CNTN4: variants seen among roughly 807,000 people sequenced by gnomAD.
CNTN4 encodes contactin 4, also known as contactin-4.
Under a neutral mutation model 122.5 loss-of-function variants are expected in CNTN4, and 77 were observed. That is an observed-to-expected ratio of 0.63 (90% CI 0.52 to 0.76). CNTN4 has a LOEUF of 0.76. Among genes scored for constraint, CNTN4 ranks in the 30% least tolerant of loss-of-function variants. The pLI is 0.00. For missense variants in CNTN4, 1,256 were observed against 1,259.1 expected (o/e 1.00, Z 0.04); for synonymous variants, 512 against 447.0 (o/e 1.15, Z -1.83).
intron 14 of CNTN4, among the ~76,000 whole-genome samples, chr3:3,002,073 T>G (rs1459437430): frequency 6.6e-6 from 1 of 152,258 alleles, no homozygotes; most frequent in Non-Finnish European, 1.5e-5. Context: ...TCTTTCTCTC[T>G]CTGCTGACTG....
intron 6 of CNTN4, among the ~76,000 whole-genome samples, chr3:2,806,137 G>A (rs1256001564): frequency 6.6e-6 from 1 of 151,922 alleles, no homozygotes; most frequent in Non-Finnish European, 1.5e-5. Context: ...TCCTGACCTC[G>A]GGATCCGCCT....
At chr3:2,633,464 A>AG (rs1361564826) in intron 4 of CNTN4, among the ~76,000 whole-genome samples, 1 of 152,246 alleles carries the variant, frequency 6.6e-6, no homozygotes, top group Non-Finnish European at 1.5e-5. Context: ...TGAGGATTTC[A>AG]GCATGGTGGA....
intron 17 of CNTN4, among the ~76,000 whole-genome samples, chr3:3,036,776 C>CAAAAAAAGAAAA (rs1293994678): frequency 2.3e-3 from 256 of 113,466 alleles, no homozygotes; most frequent in African/African-American, 8.5e-3. Context: ...GACCCTGTCT[C>CAAAAAAAGAAAA]AAAAAAAGAA....
intron 3 of CNTN4, among the ~76,000 whole-genome samples, chr3:2,370,709 C>A (rs945935792): frequency 3.9e-5 from 6 of 152,238 alleles, no homozygotes; most frequent in African/African-American, 1.2e-4. Context: ...GAATGTGTTA[C>A]TTATTGTTAA....
chr3:2,884,139 A>G (rs1354417941), intron 9 of CNTN4, among the ~76,000 whole-genome samples: 15 of 151,640 alleles, frequency 9.9e-5, no homozygotes, highest in African/African-American at 2.9e-4. Flanking sequence ...GGATCTGCGT[A>G]TGTTGCCCAG....
chr3:2,991,189 A>G (rs1695020588), intron 14 of CNTN4, among the ~76,000 whole-genome samples: 1 of 152,138 alleles, frequency 6.6e-6, no homozygotes, highest in African/African-American at 2.4e-5. Flanking sequence ...AAACATGCAC[A>G]ACACTTTAAA....
At chr3:2,766,532 G>A (rs773249773) in intron 6 of CNTN4, among the ~76,000 whole-genome samples, 3 of 152,128 alleles carry the variant, frequency 2.0e-5, no homozygotes, top group Admixed American at 2.0e-4. Flanking sequence ...CTCATAAGTG[G>A]GAGCTAAGCT....
At chr3:2,234,370 C>CAAAAAA (rs72401999) in intron 2 of CNTN4, among the ~76,000 whole-genome samples, 1,143 of 94,230 alleles carry the variant, frequency 0.012, 39 homozygotes, top group African/African-American at 0.027. Flanking sequence ...AAGTCCATCT[C>CAAAAAA]AAAAAAAAAA....
intron 4 of CNTN4, among the ~76,000 whole-genome samples, chr3:2,715,525 G>A (rs1281220496): frequency 6.6e-6 from 1 of 152,168 alleles, no homozygotes; most frequent in Non-Finnish European, 1.5e-5. Context: ...TTGTTTTAAG[G>A]ATTAAGTGAG....
At chr3:2,251,877 A>C (rs1241904420) in intron 2 of CNTN4, among the ~76,000 whole-genome samples, 2 of 151,912 alleles carry the variant, frequency 1.3e-5, no homozygotes, top group African/African-American at 4.8e-5. Context: ...CTGTTTTCCC[A>C]TTTCAATCAG....
intron 2 of CNTN4, among the ~76,000 whole-genome samples, chr3:2,197,219 C>G (rs965136931): frequency 3.3e-5 from 5 of 152,226 alleles, no homozygotes; most frequent in African/African-American, 1.2e-4. Context: ...TGGGCCTCTA[C>G]TGCTCTTTCT....
At chr3:2,354,180 A>G (rs906838915) in intron 3 of CNTN4, among the ~76,000 whole-genome samples, 5 of 152,200 alleles carry the variant, frequency 3.3e-5, no homozygotes, top group Non-Finnish European at 5.9e-5. Context: ...ATTCAGTTCT[A>G]TCTTGACTCC....
chr3:2,954,910 T>C (rs531791964), intron 13 of CNTN4, among the ~76,000 whole-genome samples: 55 of 152,282 alleles, frequency 3.6e-4, no homozygotes, highest in Middle Eastern at 3.4e-3. Flanking sequence ...GAATTAAATA[T>C]GTTATAAAAC....
At chr3:2,466,973 T>TCTTTC (rs200199382) in intron 3 of CNTN4, among the ~76,000 whole-genome samples, 12 of 146,064 alleles carry the variant, frequency 8.2e-5, no homozygotes, top group African/African-American at 3.0e-4. Flanking sequence ...TTTCTTTCTT[T>TCTTTC]TTTTTTTTTT....
Position 3,043,608 on chromosome 3 carries a change from C to G in CNTN4, c.2715C>G (p.Pro905=). The part of the protein sequence containing the change: ...TTRKPPPSQP[P]GNIIWNSSDS... ...TTTTTATAGCACCAAGTCAACCCCC[C>G]GGAAACATCATATGGAATTCATCAG... The change falls in exon 23 of 25, where the codon CCC becomes CCG. Residue 905 remains proline, a synonymous_variant. Coordinates refer to ENST00000418658, the MANE Select transcript of CNTN4 (RefSeq NM_175607.3). The G allele has an allele frequency of 6.2e-7, 1 of 1,613,614 alleles. No homozygotes were observed. Among genetic ancestry groups the G allele is most frequent in the Non-Finnish European group, 8.5e-7 (1 of 1,179,552 alleles).
At chr3:2,907,897 T>C (rs1451837242) in intron 12 of CNTN4, among the ~76,000 whole-genome samples, 1 of 152,240 alleles carries the variant, frequency 6.6e-6, no homozygotes, top group Non-Finnish European at 1.5e-5. Context: ...AGAGAGACTT[T>C]TATCTTGAGG....
chr3:2,686,849 G>A (rs2728020), intron 4 of CNTN4, among the ~76,000 whole-genome samples: 25,000 of 152,096 alleles, frequency 0.16, 4,535 homozygotes, highest in African/African-American at 0.45. Context: ...GCCCACTCTG[G>A]GTTGAATTCC....
At chr3:2,543,750 G>T (rs2078126999) in intron 3 of CNTN4, among the ~76,000 whole-genome samples, 1 of 152,098 alleles carries the variant, frequency 6.6e-6, no homozygotes, top group South Asian at 2.1e-4. Flanking sequence ...ACTGAATTAA[G>T]AATCACAATG....
chr3:2,937,374 A>C (rs1310372059), intron 13 of CNTN4, among the ~76,000 whole-genome samples: 2 of 152,174 alleles, frequency 1.3e-5, no homozygotes, highest in African/African-American at 4.8e-5. Context: ...TTAAATGTGA[A>C]GACACAGAGG....
Sources: gnomAD v4.1 joint callset for allele counts (sites outside exome capture counted in the v4.1 genomes callset) on GRCh38, gnomAD v4.1.1 for gene constraint, MANE v1.5 for transcripts, NCBI Gene and HGNC (gene_info 2026-07-23, HGNC 2026-07-21) for gene names.